Variants in MCAM observed in about 807,000 individuals in gnomAD.
The protein encoded by MCAM is melanoma cell adhesion molecule, also known as cell surface glycoprotein MUC18.
A neutral mutation model predicts 79.1 loss-of-function variants in MCAM; 55 were observed. That is an observed-to-expected ratio of 0.70 (90% CI 0.56 to 0.87). The LOEUF (loss-of-function observed/expected upper bound fraction) is 0.87, where lower values mean the gene tolerates loss of function less well. Among genes scored for constraint, MCAM ranks in the 40% least tolerant of loss-of-function variants. The pLI is 0.00. For synonymous variants in MCAM, 330 were observed against 339.8 expected, an observed-to-expected ratio of 0.97 and a Z score of 0.32; for missense variants, 745 against 839.8, an observed-to-expected ratio of 0.89 and a Z score of 1.40.
chr11:119,316,920 A>G lies in MCAM; in HGVS notation c.67+115T>C. The G allele has an allele frequency of 1.2e-6, 1 of 838,418 alleles. No homozygotes were observed. Among genetic ancestry groups the G allele is most frequent in the Non-Finnish European group, 1.8e-6 (1 of 566,854 alleles). The allele number at this position is 838,418 out of a possible 1,614,324, so 51.9% of individuals were successfully genotyped here. On this transcript the variant is annotated intron_variant, in intron 1 of 15. Coordinates refer to ENST00000264036, the MANE Select transcript of MCAM (RefSeq NM_006500.3). The surrounding 1 kb of genome is among the most constrained non-coding windows in gnomAD (Gnocchi z 4.8). The stretch of plus-strand genomic sequence containing the variant: ...CCCGGGGATCGGGGACCCAGGGAGG[A>G]GGCTCGTCCTCCCAGACGCAACGCC...
rs532719780 is a variant in MCAM, at chr11:119,311,076, C to T, written c.1645+14G>A. On this transcript the variant is annotated intron_variant, in intron 13 of 15. Transcript: ENST00000264036. The surrounding 1 kb of genome is among the most constrained non-coding windows in gnomAD (Gnocchi z 4.4). The stretch of plus-strand genomic sequence containing the variant: ...CCCTGGCACAGCCCTGTTCTCTTGC[C>T]AGGCCTGGCTTACCTGTGGAGGTGC... 2 of 1,614,206 alleles carry T rather than the reference C, an allele frequency of 1.2e-6. No individual in the cohort carries two copies. The highest frequency in any genetic ancestry group is 1.7e-6 in the Non-Finnish European group (2 of 1,180,042).
intron 15 of MCAM, 75 bp downstream of exon 15, chr11:119,310,274 G>T: frequency 2.1e-6 from 2 of 973,472 alleles, no homozygotes; most frequent in Non-Finnish European, 3.3e-6. Flanking sequence ...ATGAAGGATA[G>T]AGAGAACCGT....
chr11:119,314,491 T>G lies in MCAM; in HGVS notation c.557A>C (p.Asn186Thr), dbSNP rs780209931. 8 of 1,613,198 alleles carry G rather than the reference T, an allele frequency of 5.0e-6. No individual in the cohort carries two copies. Among genetic ancestry groups the G allele is most frequent in the Non-Finnish European group, 5.9e-6 (7 of 1,179,708 alleles). The change falls in exon 5 of 16, where the codon AAC (asparagine) becomes ACC (threonine). Residue 186 changes from asparagine (N) to threonine (T), a missense_variant and splice_region_variant. Transcript: ENST00000264036. ...KNGRPLKEEKNRVHIQSSQTV... is the reference protein window; with the variant it reads ...KNGRPLKEEKTRVHIQSSQTV... ...TTTTGGGAGAAAGGGCTACTCACGG[T>G]TCTTCTCCTCCTTCAGAGGCCGGCC...
rs1950236656 is a variant in MCAM, at chr11:119,311,712, C to G, written c.1286-61G>C. Reference sequence around the variant, plus strand: ...AGCTAGCCTGCCTCCCCCTCCGCACCAGAGCTCCCCAGGGCAGCAGGTGGC... The same window carrying G: ...AGCTAGCCTGCCTCCCCCTCCGCACGAGAGCTCCCCAGGGCAGCAGGTGGC... On this transcript the variant is annotated intron_variant, in intron 10 of 15. Coordinates refer to ENST00000264036, the MANE Select transcript of MCAM (RefSeq NM_006500.3). This position sits in a 1 kb window ranked among gnomAD's most constrained non-coding sequence, Gnocchi z 4.4. The G allele has an allele frequency of 6.2e-7, 1 of 1,611,090 alleles. No individual in the cohort carries two copies.
At position 119,312,555 on chromosome 11, in the gene MCAM, G is replaced by T; in HGVS notation, c.833C>A (p.Pro278His). Residue 278 changes from proline (P) to histidine (H), a missense_variant, in exon 7 of 16, where the codon CCT becomes CAT. Coordinates refer to ENST00000264036, the MANE Select transcript of MCAM (RefSeq NM_006500.3). This position sits in a 1 kb window ranked among gnomAD's most constrained non-coding sequence, Gnocchi z 4.9. ...CTTGCTGATGCTGAAGTGTGGTGGAGGGTTGCCATCAGCCAAACACCTGAT... is the reference window on the plus strand; with the variant it reads ...CTTGCTGATGCTGAAGTGTGGTGGATGGTTGCCATCAGCCAAACACCTGAT... ...VEIRCLADGNPPPHFSISKQN... is the reference protein window; with the variant it reads ...VEIRCLADGNHPPHFSISKQN... The T allele has an allele frequency of 6.2e-7, 1 of 1,614,150 alleles. No individual in the cohort carries two copies. The highest frequency in any genetic ancestry group is 2.2e-5 in the East Asian group (1 of 44,870).
In MCAM at chr11:119,310,329, C is replaced by G. The variant is rs765475523; in HGVS notation, c.1911+20G>C. 5.2e-6 allele frequency: 8 copies of G among 1,530,514 alleles called. No homozygotes were observed. In the South Asian group the frequency reaches 5.6e-5, roughly 11 times the overall value. 94.8% of individuals were successfully genotyped at this position (1,530,514 alleles called of 1,614,324 possible). A position where few individuals can be genotyped will look rare whatever the true frequency, so the allele number is the denominator to read the frequency against. On this transcript the variant is annotated intron_variant, in intron 15 of 15. Transcript: ENST00000264036. ...TCCCTGAGGATGTGGCAGGCTCTGG[C>G]CACAGGAACCGCCTCCTACCTGGTC...
intron 4 of MCAM, 37 bp downstream of exon 4, chr11:119,314,642 C>T (rs778018664): frequency 1.2e-5 from 19 of 1,608,548 alleles, no homozygotes; most frequent in Admixed American, 3.3e-5. Flanking sequence ...TCAGCGGCTG[C>T]GCACCAGCTG....
chr11:119,315,314 C>A lies in MCAM; in HGVS notation c.68-51G>T. On this transcript the variant is annotated intron_variant, in intron 1 of 15. Transcript: ENST00000264036. The surrounding 1 kb of genome is among the most constrained non-coding windows in gnomAD (Gnocchi z 4.4). ...CAGCTGTGTCAGCTCCGGCTGCTGT[C>A]CGCCCCTCCCCTCGCAGCGCTGCTG... 1 of 1,567,690 alleles carries A rather than the reference C, an allele frequency of 6.4e-7. No individual in the cohort carries two copies.
At position 119,311,315 on chromosome 11, in the gene MCAM, AG is replaced by A; in HGVS notation, c.1513del (p.Leu505TrpfsTer15). ...GAAGAGGATGCTGGTGTTTTTGCCC[AG>A]GTCGTTGGAGGCCGTGCATTCAACA... is the stretch of plus-strand genomic sequence containing the variant. ...TGVECTASND[L>X]GKNTSILFLE... On this transcript the variant is annotated frameshift_variant, in exon 12 of 16. Transcript: ENST00000264036. LOFTEE classifies it high-confidence loss of function. This position sits in a 1 kb window ranked among gnomAD's most constrained non-coding sequence, Gnocchi z 4.4. 1 of 1,614,180 alleles carries A rather than the reference AG, an allele frequency of 6.2e-7. No individual in the cohort carries two copies.
At chr11:119,313,468 G>C in intron 5 of MCAM, 1 of 521,488 alleles carries the variant, frequency 1.9e-6, no homozygotes, top group Non-Finnish European at 3.0e-6. Context: ...TACAATCTCG[G>C]CTCACCGCAA....
chr11:119,312,642 G>A lies in MCAM; in HGVS notation c.746C>T (p.Thr249Ile), dbSNP rs1179650187. The A allele has an allele frequency of 1.2e-6, 2 of 1,614,092 alleles. No homozygotes were observed. Among genetic ancestry groups the A allele is most frequent in the Admixed American group, 3.3e-5 (2 of 60,024 alleles). Residue 249 changes from threonine to isoleucine, a missense_variant, in exon 7 of 16, where the codon ACA becomes ATA. Physicochemically the swap from Thr to Ile is moderately conservative, Grantham distance 89. Transcript: ENST00000264036. This position sits in a 1 kb window ranked among gnomAD's most constrained non-coding sequence, Gnocchi z 4.9. Reference sequence around the variant, plus strand: ...CTCCACTTCCAGCCACACTTTTTCTGTCGGGTCTGCATAGGCAAAGGGGGT... The same window carrying A: ...CTCCACTTCCAGCCACACTTTTTCTATCGGGTCTGCATAGGCAAAGGGGGT... ...REVTVPVFYP[T>I]EKVWLEVEPV...
Position 119,308,674 on chromosome 11 carries a change from A to T in MCAM, c.*1212T>A, listed in dbSNP as rs1434655371. On this transcript the variant is annotated 3_prime_UTR_variant, in exon 16 of 16. Transcript: ENST00000264036. ...CATATGTATGCATACACACAGACAGACACACACACCCGAAGCTCTAGCCAG... is the reference window on the plus strand; with the variant it reads ...CATATGTATGCATACACACAGACAGTCACACACACCCGAAGCTCTAGCCAG... 1 of 152,102 alleles carries T rather than the reference A, an allele frequency of 6.6e-6. No individual in the cohort carries two copies. Among genetic ancestry groups the T allele is most frequent in the Admixed American group, 6.5e-5 (1 of 15,278 alleles). 9.4% of individuals were successfully genotyped at this position (152,102 alleles called of 1,614,324 possible). A position where few individuals can be genotyped will look rare whatever the true frequency, so the allele number is the denominator to read the frequency against.
Position 119,315,339 on chromosome 11 carries a change from G to C in MCAM, c.68-76C>G. The C allele has an allele frequency of 6.6e-7, 1 of 1,519,956 alleles. No individual in the cohort carries two copies. 94.2% of individuals were successfully genotyped at this position (1,519,956 alleles called of 1,614,324 possible). On this transcript the variant is annotated intron_variant, in intron 1 of 15. Transcript: ENST00000264036. This position sits in a 1 kb window ranked among gnomAD's most constrained non-coding sequence, Gnocchi z 4.4. Reference sequence around the variant, plus strand: ...CCGCCCCTCCCCTCGCAGCGCTGCTGCAGCTGTTTTTCCTGCCACTCAGAG... The same window carrying C: ...CCGCCCCTCCCCTCGCAGCGCTGCTCCAGCTGTTTTTCCTGCCACTCAGAG...
Position 119,315,244 on chromosome 11 carries a change from C to A in MCAM, c.87G>T (p.Glu29Asp). 6.2e-7 allele frequency: 1 copy of A among 1,611,068 alleles called. No individual in the cohort carries two copies. The highest frequency in any genetic ancestry group is 1.1e-5 in the South Asian group (1 of 91,018). Residue 29 changes from glutamate (E) to aspartate (D), a missense_variant, in exon 2 of 16, where the codon GAG becomes GAT. Transcript: ENST00000264036. This position sits in a 1 kb window ranked among gnomAD's most constrained non-coding sequence, Gnocchi z 4.4. The stretch of plus-strand genomic sequence containing the variant: ...CCTCCACCAGCTCAGGCGCAGGCTG[C>A]TCAGCCTCTCCGGGCACACCTGGGG... ...PRVAGVPGEAEQPAPELVEVE... is the reference protein window; with the variant it reads ...PRVAGVPGEADQPAPELVEVE...
Position 119,316,898 on chromosome 11 carries a change from G to A in MCAM, c.67+137C>T. On this transcript the variant is annotated intron_variant, in intron 1 of 15. Transcript: ENST00000264036. This position sits in a 1 kb window ranked among gnomAD's most constrained non-coding sequence, Gnocchi z 4.8. ...AGAGTTGCTCGCGCGCAAGGCGCCC[G>A]GGGATCGGGGACCCAGGGAGGAGGC... is the stretch of plus-strand genomic sequence containing the variant. The A allele has an allele frequency of 1.5e-6, 1 of 673,558 alleles. No individual in the cohort carries two copies. The highest frequency in any genetic ancestry group is 1.9e-5 in the African/African-American group (1 of 51,796). The allele number at this position is 673,558 out of a possible 1,614,324, so 41.7% of individuals were successfully genotyped here. A position where few individuals can be genotyped will look rare whatever the true frequency, so the allele number is the denominator to read the frequency against.
rs766911415 is a variant in MCAM at position 119,310,412 on chromosome 11, C to A, written c.1848G>T (p.Lys616Asn). The change falls in exon 15 of 16, where the codon AAG (lysine) becomes AAT (asparagine). Residue 616 changes from lysine (K) to asparagine (N), a missense_variant. Physicochemically the swap from Lys to Asn is moderately conservative, Grantham distance 94. Coordinates refer to ENST00000264036, the MANE Select transcript of MCAM (RefSeq NM_006500.3). ...SELVVEVKSD[K>N]LPEEMGLLQG... ...GCAGGAGGCCCATCTCTTCTGGGAG[C>A]TTATCTGACTTAACTTCAACTACAA... The A allele has an allele frequency of 1.2e-6, 2 of 1,614,142 alleles. No individual in the cohort carries two copies. The highest frequency in any genetic ancestry group is 1.7e-6 in the Non-Finnish European group (2 of 1,180,014).
Position 119,311,826 on chromosome 11 carries a change from C to T in MCAM, c.1267G>A (p.Val423Ile), listed in dbSNP as rs145230274. The change falls in exon 10 of 16, where the codon GTC becomes ATC. Residue 423 changes from valine (V) to isoleucine (I), a missense_variant. Coordinates refer to ENST00000264036, the MANE Select transcript of MCAM (RefSeq NM_006500.3). The surrounding 1 kb of genome is among the most constrained non-coding windows in gnomAD (Gnocchi z 4.4). ...SIPGLNRTQLVNVAIFGPPWM... is the reference protein window; with the variant it reads ...SIPGLNRTQLINVAIFGPPWM... ...GCCTCACCAAAAATGGCCACGTTGACCAGCTGTGTGCGGTTCAGGCCGGGT... is the reference window on the plus strand; with the variant it reads ...GCCTCACCAAAAATGGCCACGTTGATCAGCTGTGTGCGGTTCAGGCCGGGT... The T allele has an allele frequency of 1.3e-5, 21 of 1,613,972 alleles. No individual in the cohort carries two copies. In the African/African-American group the frequency reaches 2.5e-4, roughly 19 times the overall value.
At chr11:119,310,516 G>T in intron 14 of MCAM, 50 bp from the exon 15 acceptor site, 1 of 1,258,980 alleles carries the variant, frequency 7.9e-7, no homozygotes, top group Non-Finnish European at 1.2e-6. Flanking sequence ...GCCACAGGAA[G>T]AGAAGGGCCC....
Position 119,309,576 on chromosome 11 carries a change from C to A in MCAM, c.*310G>T. On this transcript the variant is annotated 3_prime_UTR_variant, in exon 16 of 16. Transcript: ENST00000264036. ...CTGGCAGGAGCCAGGTATTTACAGC[C>A]ATAATGTGTGTAAAGAAAAAACACG... is the stretch of plus-strand genomic sequence containing the variant. 4.6e-6 allele frequency: 2 copies of A among 438,840 alleles called. No homozygotes were observed. The highest frequency in any genetic ancestry group is 8.3e-6 in the Non-Finnish European group (2 of 241,566). The allele number at this position is 438,840 out of a possible 1,614,324, so 27.2% of individuals were successfully genotyped here. A position where few individuals can be genotyped will look rare whatever the true frequency, so the allele number is the denominator to read the frequency against.
Sources: allele counts gnomAD v4.1 joint callset, GRCh38; gene constraint gnomAD v4.1.1; non-coding constraint Gnocchi (gnomAD v3.1); transcripts MANE v1.5; gene names NCBI Gene and HGNC (gene_info 2026-07-23, HGNC 2026-07-21).